The following TTN variants were observed in gnomAD, a reference collection of about 807,000 sequenced individuals.
TTN encodes the protein titin.
A neutral mutation model predicts 3,223.0 loss-of-function variants in TTN; 1,525 were observed. The observed-to-expected ratio is 0.47, with a 90% CI of 0.45 to 0.49. TTN has a LOEUF of 0.49. Among genes scored for constraint, TTN ranks in the 20% least tolerant of loss-of-function variants. The pLI is 0.00. For synonymous variants in TTN, 14,094 were observed against 15,161.0 expected, an observed-to-expected ratio of 0.93 and a Z score of 5.17; for missense variants, 40,786 against 43,424.0, an observed-to-expected ratio of 0.94 and a Z score of 5.40.
rs1394384005 is a variant in TTN, at chr2:178,732,293, T to A, written c.16676A>T (p.Asp5559Val). The change falls in exon 57 of 363, where the codon GAT becomes GTT. Residue 5559 changes from aspartate to valine, a missense_variant. Asp to Val is a radical substitution (Grantham distance 152). Transcript: ENST00000589042. Reference protein sequence around the residue: ...LEPSQLLKKGDATQLACKVTG... With the variant: ...LEPSQLLKKGVATQLACKVTG... ...TACTTTGCAGGCTAGCTGGGTGGCA[T>A]CTCCCTTCTTTAACAGCTGTGATGG... 4 of 1,613,222 alleles carry A rather than the reference T, an allele frequency of 2.5e-6. No homozygotes were observed. In the East Asian group the frequency reaches 8.9e-5, roughly 36 times the overall value.
At position 178,582,377 on chromosome 2, in the gene TTN, G is replaced by A. The variant is rs2047976018; in HGVS notation, c.66079C>T (p.Gln22027Ter). 1.2e-6 allele frequency: 2 copies of A among 1,612,698 alleles called. No individual in the cohort carries two copies. Among genetic ancestry groups the A allele is most frequent in the Non-Finnish European group, 1.7e-6 (2 of 1,179,326 alleles). ...TTATTTTCAGCACAAATACGGAACT[G>A]ATACTCATGGCCCTCTATAAGTTTC... ...VEKLIEGHEY[Q>*]FRICAENKYG... The change falls in exon 314 of 363, where the codon CAG becomes TAG. Residue 22027 changes from glutamine (Q) to a stop codon, truncating the protein, a stop_gained. Transcript: ENST00000589042. LOFTEE classifies it high-confidence loss of function.
intron 92 of TTN, chr2:178,713,665 G>T: frequency 2.8e-6 from 2 of 712,900 alleles, no homozygotes; most frequent in Non-Finnish European, 2.2e-6. Flanking sequence ...CTTATCCAGG[G>T]ACTATTTTTC....
chr2:178,589,305 T>C lies in TTN; in HGVS notation c.62420A>G (p.Lys20807Arg), dbSNP rs1361295739. Residue 20807 changes from lysine (K) to arginine (R), a missense_variant, in exon 304 of 363, where the codon AAA (lysine) becomes AGA (arginine). Physicochemically the swap from Lys to Arg is conservative, Grantham distance 26. Coordinates refer to ENST00000589042, the MANE Select transcript of TTN (RefSeq NM_001267550.2). ...PFPEVAWTKD[K>R]DATDLTRSPR... is the part of the protein sequence containing the mutation. Reference sequence around the variant, plus strand: ...TGATCTTGTTAAGTCTGTAGCGTCTTTGTCCTTGGTCCATGCAACTTCTGG... The same window carrying C: ...TGATCTTGTTAAGTCTGTAGCGTCTCTGTCCTTGGTCCATGCAACTTCTGG... 6.2e-7 allele frequency: 1 copy of C among 1,613,106 alleles called. No homozygotes were observed. The highest frequency in any genetic ancestry group is 8.5e-7 in the Non-Finnish European group (1 of 1,179,444).
rs878859053 is a variant in TTN, at chr2:178,526,785, C to G, written c.*227G>C. 1 of 383,124 alleles carries G rather than the reference C, an allele frequency of 2.6e-6. No individual in the cohort carries two copies. The highest frequency in any genetic ancestry group is 2.1e-5 in the African/African-American group (1 of 48,496). 23.7% of individuals were successfully genotyped at this position (383,124 alleles called of 1,614,324 possible). On this transcript the variant is annotated 3_prime_UTR_variant, in exon 363 of 363. Coordinates refer to ENST00000589042, the MANE Select transcript of TTN (RefSeq NM_001267550.2). ...AATAAATGGTACAAAACTTTATAAC[C>G]GTTAATCCGGCTATATACAGTATGT...
chr2:178,650,706 A>G (rs2062785968), intron 209 of TTN, 45 bp downstream of exon 209: 1 of 1,495,778 alleles, frequency 6.7e-7, no homozygotes, highest in Non-Finnish European at 9.0e-7. Context: ...TAAATTAGAA[A>G]TAGTCGCAAG....
rs369380469 is a variant in TTN at position 178,769,868 on chromosome 2, C to G, written c.8713G>C (p.Val2905Leu). Residue 2905 changes from valine (V) to leucine (L), a missense_variant, in exon 37 of 363, where the codon GTG becomes CTG. Transcript: ENST00000589042. ...ATGGAAGGGACATTGAAGTGGGACACCTCACACTCAAAAGAGGCAGTTTTG... is the reference window on the plus strand; with the variant it reads ...ATGGAAGGGACATTGAAGTGGGACAGCTCACACTCAAAAGAGGCAGTTTTG... ...ETKTASFECE[V>L]SHFNVPSMWL... 1.9e-6 allele frequency: 3 copies of G among 1,614,090 alleles called. No homozygotes were observed. The highest frequency in any genetic ancestry group is 2.5e-6 in the Non-Finnish European group (3 of 1,179,998).
intron 7 of TTN, 68 bp downstream of exon 7, chr2:178,794,854 C>T (rs1190954986): frequency 1.1e-5 from 18 of 1,578,298 alleles, no homozygotes; most frequent in Non-Finnish European, 1.4e-5. Flanking sequence ...GACTGAGTTT[C>T]ATGGCAGAAA....
chr2:178,679,872 C>T, intron 140 of TTN, 22 bp downstream of exon 140: 1 of 1,611,596 alleles, frequency 6.2e-7, no homozygotes, highest in Non-Finnish European at 8.5e-7. Context: ...TTGCACAGCC[C>T]TTTGCAGGAG....
rs1241938140 is a variant in TTN, at chr2:178,727,192, T to C, written c.20173A>G (p.Ile6725Val). Residue 6725 changes from isoleucine to valine, a missense_variant, in exon 69 of 363, where the codon ATA becomes GTA. By Grantham distance (29) the Ile-to-Val change is conservative. Coordinates refer to ENST00000589042, the MANE Select transcript of TTN (RefSeq NM_001267550.2). ...TCAGTACTGAGATTGTTCATCTGTA[T>C]GACGGCCACTGAGTCAATGAAAGTC... The part of the protein sequence containing the change: ...RMTFIDSVAV[I>V]QMNNLSTEDS... The C allele has an allele frequency of 6.2e-7, 1 of 1,613,186 alleles. No individual in the cohort carries two copies. Among genetic ancestry groups the C allele is most frequent in the African/African-American group, 1.3e-5 (1 of 74,864 alleles).
rs746141297 is a variant in TTN, at chr2:178,561,839, G to T, written c.84293C>A (p.Thr28098Asn). ...TGAAACTATGTGCCATGTTGTAGAG[G>T]TGGTTTCTTTCTTTTCAACAATGTA... is the stretch of plus-strand genomic sequence containing the variant. ...SNYIVEKKETTSTTWHIVSQA... is the reference protein window; with the variant it reads ...SNYIVEKKETNSTTWHIVSQA... Residue 28098 changes from threonine (T) to asparagine (N), a missense_variant, in exon 326 of 363, where the codon ACC becomes AAC. Thr to Asn is a moderately conservative substitution (Grantham distance 65). Transcript: ENST00000589042. 1.2e-6 allele frequency: 2 copies of T among 1,613,644 alleles called. No homozygotes were observed. The highest frequency in any genetic ancestry group is 2.2e-5 in the South Asian group (2 of 91,072).
Position 178,561,647 on chromosome 2 carries a change from T to G in TTN, c.84485A>C (p.Lys28162Thr). ...FSPPGPPGTP[K>T]VVHATKSTML... ...GGTAGATTTTGTGGCATGCACAACT[T>G]TAGGAGTACCAGGAGGACCTGGGGG... The change falls in exon 326 of 363, where the codon AAA (lysine) becomes ACA (threonine). Residue 28162 changes from lysine to threonine, a missense_variant. Coordinates refer to ENST00000589042, the MANE Select transcript of TTN (RefSeq NM_001267550.2). The G allele has an allele frequency of 5.6e-6, 9 of 1,609,646 alleles. No individual in the cohort carries two copies. Among genetic ancestry groups the G allele is most frequent in the Non-Finnish European group, 7.6e-6 (9 of 1,177,576 alleles).
chr2:178,610,659 A>G (rs2056114496), intron 270 of TTN, among the ~76,000 whole-genome samples: 1 of 151,972 alleles, frequency 6.6e-6, no homozygotes, highest in Admixed American at 6.6e-5. Flanking sequence ...AAATGTTACT[A>G]TCCCTGGTTA....
In TTN at chr2:178,531,639, G is replaced by T; in HGVS notation, c.104976C>A (p.Asn34992Lys). 6.2e-7 allele frequency: 1 copy of T among 1,614,002 alleles called. No individual in the cohort carries two copies. Among genetic ancestry groups the T allele is most frequent in the Middle Eastern group, 1.6e-4 (1 of 6,062 alleles). The change falls in exon 358 of 363, where the codon AAC becomes AAA. Residue 34992 changes from asparagine (N) to lysine (K), a missense_variant. Physicochemically the swap from Asn to Lys is moderately conservative, Grantham distance 94. Transcript: ENST00000589042. ...LQESSKIHYT[N>K]TSGVLTLEIL... Reference sequence around the variant, plus strand: ...TTTCCAGGGTGAGGACTCCACTCGTGTTGGTGTAATGAATCTTACTGCTTT... The same window carrying T: ...TTTCCAGGGTGAGGACTCCACTCGTTTTGGTGTAATGAATCTTACTGCTTT...
At chr2:178,675,895 T>A (rs936784439) in intron 148 of TTN, 26 bp downstream of exon 148, 28 of 1,596,932 alleles carry the variant, frequency 1.8e-5, no homozygotes, top group Non-Finnish European at 2.4e-5. Context: ...AATGGCATAG[T>A]CTAATTTACT....
intron 216 of TTN, among the ~76,000 whole-genome samples, 189 bp from the exon 217 acceptor site, chr2:178,646,219 A>G (rs1320082758): frequency 1.3e-5 from 2 of 148,216 alleles, no homozygotes; most frequent in African/African-American, 4.9e-5. Context: ...TAAAACATAA[A>G]AATATCAACC....
intron 49 of TTN, 21 bp downstream of exon 49, chr2:178,738,061 G>C: frequency 6.2e-7 from 1 of 1,605,638 alleles, no homozygotes; most frequent in African/African-American, 1.3e-5. Context: ...GACAACATCT[G>C]TGCCAATGTA....
rs779518431 is a variant in TTN at position 178,610,295 on chromosome 2, G to T, written c.51231C>A (p.Thr17077=). The T allele has an allele frequency of 3.5e-5, 56 of 1,612,756 alleles. No homozygotes were observed. The highest frequency in any genetic ancestry group is 4.7e-5 in the Non-Finnish European group (55 of 1,179,236). The change falls in exon 271 of 363, where the codon ACC becomes ACA. Residue 17077 remains threonine (T), a synonymous_variant. Coordinates refer to ENST00000589042, the MANE Select transcript of TTN (RefSeq NM_001267550.2). ...GCTCCAGGACATAATGAAGAATTGG[G>T]GTTCCACCATCAAATTCTGGAGGTT... The part of the protein sequence containing the change: ...TWEPPEFDGG[T]PILHYVLERR...
At chr2:178,648,418 T>A (rs1053984503) in intron 213 of TTN, among the ~76,000 whole-genome samples, 6 of 152,090 alleles carry the variant, frequency 3.9e-5, no homozygotes, top group Non-Finnish European at 7.4e-5. Flanking sequence ...TTCTTTTTTT[T>A]AATTTTTTTG....
rs761652901 is a variant in TTN, at chr2:178,583,535, G to GT, written c.65575+71dup. 6 of 1,403,448 alleles carry GT rather than the reference G, an allele frequency of 4.3e-6. No homozygotes were observed. The South Asian group carries it at 5.1e-5, about 12-fold the overall frequency. The allele number at this position is 1,403,448 out of a possible 1,614,324, so 86.9% of individuals were successfully genotyped here. A position where few individuals can be genotyped will look rare whatever the true frequency, so the allele number is the denominator to read the frequency against. ...CCTTTTTTCCTTAGGTGTATATTTA[G>GT]TTTTTTATTAGGAAAAATGACCATC... On this transcript the variant is annotated intron_variant, in intron 312 of 362. Coordinates refer to ENST00000589042, the MANE Select transcript of TTN (RefSeq NM_001267550.2).
Sources: gnomAD v4.1 joint callset for allele counts (sites outside exome capture counted in the v4.1 genomes callset) on GRCh38, gnomAD v4.1.1 for gene constraint, MANE v1.5 for transcripts, NCBI Gene and HGNC (gene_info 2026-07-23, HGNC 2026-07-21) for gene names.